Variants in RHBDD1 observed in about 807,000 individuals in gnomAD.
The protein encoded by RHBDD1 is rhomboid-related protein 4.
In RHBDD1, 38 loss-of-function variants were observed where a neutral mutation model predicts 36.3. That is an observed-to-expected ratio of 1.05 (90% CI 0.81 to 1.37). The LOEUF is 1.37. Ranked by LOEUF, RHBDD1 falls within the 40% of genes most tolerant of loss-of-function variation. RHBDD1 has a pLI of 0.00. For synonymous variants in RHBDD1, 151 were observed against 136.5 expected (o/e 1.11, Z -0.74); for missense variants, 393 against 377.6 (o/e 1.04, Z -0.34).
chr2:226,858,407 A>G (rs1024332294), intron 3 of RHBDD1, among the ~76,000 whole-genome samples: 1 of 152,192 alleles, frequency 6.6e-6, no homozygotes, highest in African/African-American at 2.4e-5. Context: ...TCTTCAGAAC[A>G]GCATTTGATT....
At chr2:226,942,730 A>T (rs1369321652) in intron 8 of RHBDD1, among the ~76,000 whole-genome samples, 1 of 151,998 alleles carries the variant, frequency 6.6e-6, no homozygotes, top group Non-Finnish European at 1.5e-5. Flanking sequence ...ATTTTTTTTA[A>T]TTTTTAAATA....
chr2:226,864,955 A>G lies in RHBDD1; in HGVS notation c.262A>G (p.Met88Val). Residue 88 changes from methionine (M) to valine (V), a missense_variant, in exon 4 of 9, where the codon ATG becomes GTG. By Grantham distance (21) the Met-to-Val change is conservative. Coordinates refer to ENST00000392062, the MANE Select transcript of RHBDD1 (RefSeq NM_001167608.3). ...DWHLYFNMAS[M>V]LWKGINLERR... Reference sequence around the variant, plus strand: ...GCATTTGTATTTCAATATGGCATCCATGCTCTGGAAAGGAATAAATCTAGA... The same window carrying G: ...GCATTTGTATTTCAATATGGCATCCGTGCTCTGGAAAGGAATAAATCTAGA... 1 of 1,614,244 alleles carries G rather than the reference A, an allele frequency of 6.2e-7. No homozygotes were observed. Among genetic ancestry groups the G allele is most frequent in the Non-Finnish European group, 8.5e-7 (1 of 1,180,038 alleles).
chr2:226,944,301 A>G (rs1950835220), intron 8 of RHBDD1, among the ~76,000 whole-genome samples: 1 of 152,184 alleles, frequency 6.6e-6, no homozygotes, highest in Non-Finnish European at 1.5e-5. Flanking sequence ...AAATAAAAAC[A>G]TCTGCTGTTT....
At chr2:226,972,493 G>A (rs1020688225) in intron 8 of RHBDD1, among the ~76,000 whole-genome samples, 3 of 152,156 alleles carry the variant, frequency 2.0e-5, no homozygotes, top group African/African-American at 7.2e-5. Flanking sequence ...GCCTGGGAAG[G>A]CTGCTCCACC....
At chr2:226,810,796 G>A in the RHBDD1 span, 4 of 152,102 alleles carry the variant, frequency 2.6e-5, no homozygotes, top group Non-Finnish European at 5.9e-5. Flanking sequence ...CCAGCTGTAT[G>A]CTTAAACACA....
intron 3 of RHBDD1, among the ~76,000 whole-genome samples, chr2:226,853,396 T>C (rs1943022721): frequency 6.6e-6 from 1 of 152,234 alleles, no homozygotes; most frequent in African/African-American, 2.4e-5. Context: ...ATCTGGTACA[T>C]GCTGTGGAAG....
At chr2:226,840,647 A>G (rs1487222364) in intron 3 of RHBDD1, among the ~76,000 whole-genome samples, 1 of 152,228 alleles carries the variant, frequency 6.6e-6, no homozygotes, top group Non-Finnish European at 1.5e-5. Flanking sequence ...GATGGCCTCC[A>G]TATTTGACCC....
intron 5 of RHBDD1, chr2:226,867,572 C>A (rs1265529565): frequency 1.1e-5 from 11 of 984,676 alleles, no homozygotes; most frequent in Non-Finnish European, 1.3e-5. Flanking sequence ...GTAGGAGAAC[C>A]TGCTATACTG....
chr2:226,849,459 A>G lies in RHBDD1; in HGVS notation c.-91+9832A>G, dbSNP rs1241302149. 2.0e-5 allele frequency among the ~76,000 whole-genome samples: 3 copies of G among 152,154 alleles called. No homozygotes were observed. In the East Asian group the frequency reaches 5.8e-4, roughly 29 times the overall value. On this transcript the variant is annotated intron_variant, in intron 3 of 8. Transcript: ENST00000392062. Reference sequence around the variant, plus strand: ...GCTTTGAGGATTGGGAAGGAATTGAATGGGTTGGTGGAGGCAGGTGTGTGT... The same window carrying G: ...GCTTTGAGGATTGGGAAGGAATTGAGTGGGTTGGTGGAGGCAGGTGTGTGT...
intron 8 of RHBDD1, among the ~76,000 whole-genome samples, chr2:226,918,499 T>G (rs746728070): frequency 5.5e-4 from 84 of 152,016 alleles, no homozygotes; most frequent in Non-Finnish European, 5.9e-4. Flanking sequence ...AACCGTCTTT[T>G]CACTCTCTAT....
chr2:226,975,330 G>T (rs920851757), intron 8 of RHBDD1, among the ~76,000 whole-genome samples: 2 of 151,970 alleles, frequency 1.3e-5, no homozygotes, highest in Non-Finnish European at 2.9e-5. Context: ...AAATCATCAC[G>T]TTGTACACCT....
At chr2:226,989,568 A>T (rs1957718591) in intron 8 of RHBDD1, among the ~76,000 whole-genome samples, 1 of 152,210 alleles carries the variant, frequency 6.6e-6, no homozygotes. Flanking sequence ...AGCATGTAGC[A>T]ATTGTCCCAC....
intron 8 of RHBDD1, among the ~76,000 whole-genome samples, chr2:226,938,092 T>C (rs982570995): frequency 6.6e-6 from 1 of 152,184 alleles, no homozygotes; most frequent in Non-Finnish European, 1.5e-5. Context: ...CTCCACAATC[T>C]CGCCGGCAGC....
intron 8 of RHBDD1, among the ~76,000 whole-genome samples, chr2:226,959,604 C>A (rs1952032809): frequency 6.6e-6 from 1 of 152,150 alleles, no homozygotes; most frequent in Non-Finnish European, 1.5e-5. Context: ...CTTTTCATTG[C>A]CAAGTACTAG....
At chr2:226,937,855 G>A (rs556426009) in intron 8 of RHBDD1, among the ~76,000 whole-genome samples, 63 of 152,230 alleles carry the variant, frequency 4.1e-4, no homozygotes, top group Admixed American at 2.6e-4. Context: ...ATGGGCATTT[G>A]GGTTGATACC....
chr2:226,904,433 G>T (rs1947873631), intron 5 of RHBDD1, among the ~76,000 whole-genome samples: 1 of 144,622 alleles, frequency 6.9e-6, no homozygotes, highest in Non-Finnish European at 1.5e-5. Flanking sequence ...AGGGGGGTCA[G>T]GGAACTCCTG....
chr2:226,917,829 T>A (rs1179673842), intron 8 of RHBDD1, among the ~76,000 whole-genome samples: 1 of 152,022 alleles, frequency 6.6e-6, no homozygotes, highest in Admixed American at 6.6e-5. Context: ...AGAGTGGCCT[T>A]GGTTAGGATT....
the RHBDD1 span, among the ~76,000 whole-genome samples, chr2:226,829,724 T>C: frequency 6.6e-6 from 1 of 152,112 alleles, no homozygotes; most frequent in Non-Finnish European, 1.5e-5. Context: ...AACTTATTAA[T>C]TTTAGTAGTT....
chr2:226,802,864 G>A, the RHBDD1 span, among the ~76,000 whole-genome samples: 6 of 152,190 alleles, frequency 3.9e-5, no homozygotes, highest in African/African-American at 7.2e-5. Context: ...GCACTTTGGG[G>A]CAATAGGTCT....
Sources: allele counts gnomAD v4.1 joint callset (sites outside exome capture counted in the v4.1 genomes callset), GRCh38; gene constraint gnomAD v4.1.1; transcripts MANE v1.5; gene names NCBI Gene and HGNC (gene_info 2026-07-23, HGNC 2026-07-21).